CCDC192: variants seen among roughly 807,000 people sequenced by gnomAD.
CCDC192 encodes coiled-coil domain-containing protein 192.
intron 5 of CCDC192, among the ~76,000 whole-genome samples, chr5:127,816,109 G>A (rs181907540): frequency 6.6e-6 from 1 of 152,148 alleles, no homozygotes; most frequent in African/African-American, 2.4e-5. Context: ...ATGAGGAGGG[G>A]AGGGGCTTAT....
intron 2 of CCDC192, among the ~76,000 whole-genome samples, chr5:127,734,163 G>T (rs937783891): frequency 6.9e-6 from 1 of 145,226 alleles, no homozygotes; most frequent in Non-Finnish European, 1.5e-5. Flanking sequence ...ACCTATGAGT[G>T]AGAATATGCA....
chr5:127,866,736 T>G (rs1008598797), intron 5 of CCDC192, among the ~76,000 whole-genome samples: 3 of 152,140 alleles, frequency 2.0e-5, no homozygotes, highest in Non-Finnish European at 2.9e-5. Flanking sequence ...AAAACATGTT[T>G]ATATGAGATC....
chr5:127,734,476 G>A (rs1392564234), intron 2 of CCDC192, among the ~76,000 whole-genome samples: 2 of 149,562 alleles, frequency 1.3e-5, no homozygotes, highest in African/African-American at 2.5e-5. Context: ...GGTATTTCCA[G>A]TTCTAGATCC....
At chr5:127,763,532 T>C (rs1440761122) in intron 3 of CCDC192, among the ~76,000 whole-genome samples, 1 of 152,220 alleles carries the variant, frequency 6.6e-6, no homozygotes, top group Non-Finnish European at 1.5e-5. Context: ...GAAGGTTCTA[T>C]AACAAAGATC....
At chr5:127,916,671 A>T (rs1163193226) in intron 6 of CCDC192, among the ~76,000 whole-genome samples, 1 of 152,254 alleles carries the variant, frequency 6.6e-6, no homozygotes, top group Non-Finnish European at 1.5e-5. Flanking sequence ...AATGAGCAGT[A>T]ATATTTTGAA....
At chr5:127,730,050 A>G (rs1752553721) in intron 2 of CCDC192, among the ~76,000 whole-genome samples, 1 of 152,210 alleles carries the variant, frequency 6.6e-6, no homozygotes, top group African/African-American at 2.4e-5. Flanking sequence ...ATAGAGACAC[A>G]AAAAACCCTT....
At chr5:127,812,157 G>C (rs911934271) in intron 5 of CCDC192, among the ~76,000 whole-genome samples, 11 of 152,086 alleles carry the variant, frequency 7.2e-5, no homozygotes, top group African/African-American at 2.7e-4. Flanking sequence ...AAAATCCTTA[G>C]ACTGGTACCT....
intron 1 of CCDC192, among the ~76,000 whole-genome samples, chr5:127,706,757 C>A (rs879210221): frequency 6.6e-6 from 1 of 151,944 alleles, no homozygotes; most frequent in Non-Finnish European, 1.5e-5. Flanking sequence ...AAAATATAAT[C>A]AATAAGCAAA....
intron 5 of CCDC192, among the ~76,000 whole-genome samples, chr5:127,823,067 C>G (rs1350526428): frequency 6.6e-6 from 1 of 152,204 alleles, no homozygotes; most frequent in Non-Finnish European, 1.5e-5. Flanking sequence ...CCTATCAGCT[C>G]TGCATCGCAA....
chr5:127,867,747 T>A (rs576058717), intron 5 of CCDC192, among the ~76,000 whole-genome samples: 1 of 152,240 alleles, frequency 6.6e-6, no homozygotes, highest in Non-Finnish European at 1.5e-5. Context: ...ATGACCTGCT[T>A]GAGCTCTCAG....
chr5:127,917,152 T>C (rs1395964014), intron 6 of CCDC192, among the ~76,000 whole-genome samples: 1 of 152,228 alleles, frequency 6.6e-6, no homozygotes, highest in African/African-American at 2.4e-5. Context: ...CAACCTCTGC[T>C]AGCTTCCAGC....
chr5:127,871,643 G>C (rs1439008672), intron 5 of CCDC192, among the ~76,000 whole-genome samples: 1 of 152,014 alleles, frequency 6.6e-6, no homozygotes, highest in Non-Finnish European at 1.5e-5. Flanking sequence ...TAATTGCCAC[G>C]GTTTAAAGTA....
intron 6 of CCDC192, among the ~76,000 whole-genome samples, chr5:127,921,169 GAAAA>G (rs1391982274): frequency 6.7e-6 from 1 of 149,792 alleles, no homozygotes; most frequent in Non-Finnish European, 1.5e-5. Flanking sequence ...GAAAAGAAAA[GAAAA>G]GAAAAGAAGG....
At chr5:127,760,701 C>CAAAAAA in intron 3 of CCDC192, among the ~76,000 whole-genome samples, 1 of 54,896 alleles carries the variant, frequency 1.8e-5, no homozygotes, top group Non-Finnish European at 3.5e-5. Context: ...GATTCTGTCT[C>CAAAAAA]AAAAAAAAAA....
intron 6 of CCDC192, among the ~76,000 whole-genome samples, chr5:127,882,989 G>A (rs1428402906): frequency 6.6e-6 from 1 of 152,116 alleles, no homozygotes; most frequent in African/African-American, 2.4e-5. Flanking sequence ...GTCTACCTAG[G>A]GTTTTCTAAG....
At chr5:127,713,023 T>A (rs1751426768) in intron 2 of CCDC192, among the ~76,000 whole-genome samples, 1 of 152,084 alleles carries the variant, frequency 6.6e-6, no homozygotes, top group Non-Finnish European at 1.5e-5. Context: ...TCACCTGTGG[T>A]CGGGAGTTCG....
At chr5:127,703,387 G>A (rs573769703), upstream of CCDC192, 46 of 398,920 alleles carry the variant, frequency 1.2e-4, no homozygotes, top group African/African-American at 7.4e-4. Context: ...AAACTCTAAA[G>A]AATGATGCCT....
At chr5:127,746,633 T>A (rs886226762) in intron 2 of CCDC192, among the ~76,000 whole-genome samples, 4 of 151,910 alleles carry the variant, frequency 2.6e-5, no homozygotes, top group Admixed American at 2.6e-4. Context: ...TTTTGAGAAT[T>A]TTTGAACCCA....
intron 6 of CCDC192, among the ~76,000 whole-genome samples, chr5:127,882,023 C>T (rs929128757): frequency 6.6e-6 from 1 of 152,132 alleles, no homozygotes; most frequent in Non-Finnish European, 1.5e-5. Context: ...CATGCATGTC[C>T]CCATTATCCC....
Sources: allele counts gnomAD v4.1 joint callset (sites outside exome capture counted in the v4.1 genomes callset), GRCh38; gene constraint gnomAD v4.1.1; transcripts MANE v1.5; gene names NCBI Gene and HGNC (gene_info 2026-07-23, HGNC 2026-07-21).